ANKMY2: variants seen among roughly 807,000 people sequenced by gnomAD.
ANKMY2 encodes the protein ankyrin repeat and MYND domain-containing protein 2.
In ANKMY2, 36 loss-of-function variants were observed where a neutral mutation model predicts 50.4. That is an observed-to-expected ratio of 0.71 (90% CI 0.55 to 0.94). The LOEUF is 0.94. ANKMY2 is among the 40% of genes least tolerant of loss of function. The probability of loss-of-function intolerance (pLI) is 0.00; values close to 1 mark genes in which losing one functional copy is unlikely to be tolerated. For synonymous variants in ANKMY2, 187 were observed against 178.8 expected (o/e 1.05, Z -0.36); for missense variants, 565 against 524.0 (o/e 1.08, Z -0.76).
chr7:16,604,048 T>G (rs1282411020), intron 8 of ANKMY2, among the ~76,000 whole-genome samples: 1 of 152,212 alleles, frequency 6.6e-6, no homozygotes, highest in Non-Finnish European at 1.5e-5. Context: ...TTAAACAAGA[T>G]GAAGCTGAAG....
At chr7:16,625,763 C>A (rs1781498636) in intron 3 of ANKMY2, among the ~76,000 whole-genome samples, 1 of 152,106 alleles carries the variant, frequency 6.6e-6, no homozygotes, top group African/African-American at 2.4e-5. Flanking sequence ...GACATGCACT[C>A]CCCCAAATAG....
At chr7:16,633,217 T>G (rs1781612305) in intron 2 of ANKMY2, among the ~76,000 whole-genome samples, 1 of 152,100 alleles carries the variant, frequency 6.6e-6, no homozygotes, top group Non-Finnish European at 1.5e-5. Flanking sequence ...ACTTTCTCGG[T>G]GGTACGCTTT....
At chr7:16,618,266 C>T (rs1363727727) in intron 4 of ANKMY2, among the ~76,000 whole-genome samples, 1 of 152,102 alleles carries the variant, frequency 6.6e-6, no homozygotes, top group Non-Finnish European at 1.5e-5. Flanking sequence ...GCATTCAAGC[C>T]TGGGTAACAG....
intron 7 of ANKMY2, among the ~76,000 whole-genome samples, chr7:16,608,674 T>C (rs899860393): frequency 6.6e-6 from 1 of 152,066 alleles, no homozygotes; most frequent in African/African-American, 2.4e-5. Flanking sequence ...AAAGCATGAA[T>C]GGGTATAGAT....
At chr7:16,644,244 T>C (rs566295068) in intron 1 of ANKMY2, among the ~76,000 whole-genome samples, 3 of 152,248 alleles carry the variant, frequency 2.0e-5, no homozygotes, top group East Asian at 1.9e-4. Context: ...AAATGCCAAA[T>C]AGGTCAGCAA....
chr7:16,636,446 T>C lies in ANKMY2; in HGVS notation c.77A>G (p.Gln26Arg), dbSNP rs1306390788. The C allele has an allele frequency of 2.5e-6, 4 of 1,590,754 alleles. No individual in the cohort carries two copies. Among genetic ancestry groups the C allele is most frequent in the Non-Finnish European group, 3.4e-6 (4 of 1,169,294 alleles). The change falls in exon 2 of 10, where the codon CAA (glutamine) becomes CGA (arginine). Residue 26 changes from glutamine to arginine, a missense_variant. Gln to Arg is a conservative substitution (Grantham distance 43). Transcript: ENST00000306999. ...GCTGGATAATAATGTTCCAGCTTCT[T>C]GGACAGTACCTAAAAAAAAAAAAAA... ...LLEVIGKGTVQEAGTLLSSKN... is the reference protein window; with the variant it reads ...LLEVIGKGTVREAGTLLSSKN...
At chr7:16,627,214 T>C (rs1363654947) in intron 2 of ANKMY2, 36 bp from the exon 3 acceptor site, 2 of 1,464,190 alleles carry the variant, frequency 1.4e-6, no homozygotes, top group Admixed American at 4.0e-5. Context: ...TTAATTTTAC[T>C]GTTTTATCTT....
chr7:16,638,138 C>G (rs1241806610), intron 1 of ANKMY2, among the ~76,000 whole-genome samples: 1 of 152,218 alleles, frequency 6.6e-6, no homozygotes, highest in Admixed American at 6.5e-5. Flanking sequence ...TATGGGGTTT[C>G]CCCCATAAAC....
intron 1 of ANKMY2, among the ~76,000 whole-genome samples, chr7:16,645,044 C>T (rs886892908): frequency 5.3e-5 from 8 of 152,136 alleles, no homozygotes; most frequent in African/African-American, 1.9e-4. Context: ...CTAAGGGCGC[C>T]CTCCACTCCC....
At position 16,610,548 on chromosome 7, in the gene ANKMY2, C is replaced by A. The variant is rs1781231960; in HGVS notation, c.746+1G>T. 1 of 1,603,186 alleles carries A rather than the reference C, an allele frequency of 6.2e-7. No homozygotes were observed. The highest frequency in any genetic ancestry group is 1.3e-5 in the African/African-American group (1 of 74,540). ...TATAAACGACATAGTAAAAAGAGTA[C>A]CTTTTGATCAAGGTGTCCAGTTTAT... On this transcript the variant is annotated splice_donor_variant, in intron 6 of 9. Transcript: ENST00000306999. LOFTEE classifies it high-confidence loss of function.
At chr7:16,637,519 C>G (rs753006996) in intron 1 of ANKMY2, among the ~76,000 whole-genome samples, 12 of 152,296 alleles carry the variant, frequency 7.9e-5, no homozygotes, top group African/African-American at 2.6e-4. Context: ...ATGATCTACA[C>G]GTCCCTGGAG....
rs142603448 is a variant in ANKMY2, at chr7:16,615,533, C to T, written c.531+211G>A. Among the ~76,000 whole-genome samples the T allele has an allele frequency of 3.9e-5, 6 of 152,292 alleles. No individual in the cohort carries two copies. The East Asian group carries it at 9.6e-4, about 24-fold the overall frequency. On this transcript the variant is annotated intron_variant, in intron 5 of 9. Coordinates refer to ENST00000306999, the MANE Select transcript of ANKMY2 (RefSeq NM_020319.3). ...AACCCATCTCTTTGCGTGGCTTTTCCTGATGGTTTAGTCTGTTTCTCTCTC... is the reference window on the plus strand; with the variant it reads ...AACCCATCTCTTTGCGTGGCTTTTCTTGATGGTTTAGTCTGTTTCTCTCTC...
At chr7:16,632,307 T>C (rs1781600929) in intron 2 of ANKMY2, among the ~76,000 whole-genome samples, 1 of 152,204 alleles carries the variant, frequency 6.6e-6, no homozygotes. Context: ...CGGTTTATTA[T>C]ACTCACAGAG....
intron 1 of ANKMY2, among the ~76,000 whole-genome samples, chr7:16,644,429 GGAGTTTCCTTGTCGCTAT>G (rs1227771017): frequency 2.0e-5 from 3 of 152,160 alleles, no homozygotes; most frequent in African/African-American, 7.2e-5. Flanking sequence ...CTTCGCATGT[GGAGTTTCCTTGTCGCTAT>G]GAAGAATAAA....
At chr7:16,630,898 G>C (rs1254493398) in intron 2 of ANKMY2, among the ~76,000 whole-genome samples, 2 of 152,208 alleles carry the variant, frequency 1.3e-5, no homozygotes, top group African/African-American at 2.4e-5. Context: ...TCCAGGGAAA[G>C]GGAATGAAAG....
At chr7:16,613,851 G>A (rs565442587) in intron 5 of ANKMY2, among the ~76,000 whole-genome samples, 2 of 147,480 alleles carry the variant, frequency 1.4e-5, no homozygotes, top group East Asian at 2.0e-4. Context: ...CAGGAGAATC[G>A]CTTTAACCTG....
intron 2 of ANKMY2, among the ~76,000 whole-genome samples, chr7:16,629,783 A>G (rs1314470171): frequency 6.6e-6 from 1 of 152,208 alleles, no homozygotes; most frequent in Admixed American, 6.5e-5. Flanking sequence ...AAGAATTTAG[A>G]ACAGTATGAA....
At chr7:16,614,985 AAC>A (rs1289544071) in intron 5 of ANKMY2, among the ~76,000 whole-genome samples, 1 of 152,224 alleles carries the variant, frequency 6.6e-6, no homozygotes, top group Non-Finnish European at 1.5e-5. Flanking sequence ...ATGTGTAAAC[AAC>A]AACAGCAAAA....
chr7:16,619,170 T>A (rs2128343723), intron 4 of ANKMY2, among the ~76,000 whole-genome samples: 1 of 151,452 alleles, frequency 6.6e-6, no homozygotes, highest in East Asian at 1.9e-4. Context: ...TTTTTTTTTT[T>A]GAGATGGAGT....
Sources: gnomAD v4.1 joint callset for allele counts (sites outside exome capture counted in the v4.1 genomes callset) on GRCh38, gnomAD v4.1.1 for gene constraint, MANE v1.5 for transcripts, NCBI Gene and HGNC (gene_info 2026-07-23, HGNC 2026-07-21) for gene names.